Variants in ATF7 observed in about 807,000 individuals in gnomAD.
ATF7 encodes activating transcription factor 7.
ATF7 carries 10 observed loss-of-function variants against 50.4 expected under a neutral mutation model. That is an observed-to-expected ratio of 0.20 (90% CI 0.12 to 0.34). The LOEUF (loss-of-function observed/expected upper bound fraction) is 0.34. Among genes scored for constraint, ATF7 ranks in the 10% least tolerant of loss-of-function variants. The pLI is 1.00. For missense variants in ATF7, 465 were observed against 613.9 expected (o/e 0.76, Z 2.56); for synonymous variants, 201 against 226.4 (o/e 0.89, Z 1.01).
chr12:53,530,770 G>A (rs1051997881), intron 9 of ATF7, among the ~76,000 whole-genome samples: 6 of 151,794 alleles, frequency 4.0e-5, no homozygotes, highest in Non-Finnish European at 5.9e-5. Context: ...ACCATGCCCC[G>A]CTAATTTTTT....
chr12:53,600,834 T>C (rs1289039305), intron 2 of ATF7, 119 bp downstream of exon 2: 20 of 965,330 alleles, frequency 2.1e-5, no homozygotes, highest in Non-Finnish European at 3.0e-5. Context: ...GCAAATCCTC[T>C]GATCTGATTA....
rs376486763 is a variant in ATF7, at chr12:53,526,315, CCCT to C, written c.928-1557_928-1555del. On this transcript the variant is annotated intron_variant, in intron 9 of 11. Transcript: ENST00000420353. ...CTACCCCTGAGACAGCAAGACCAAG[CCCT>C]CCTCCTCCTCCTCCTCCTCCTCAAT... is the stretch of plus-strand genomic sequence containing the variant. 3.3e-3 allele frequency among the ~76,000 whole-genome samples: 501 copies of C among 149,902 alleles called. 1 individual carries two copies. The highest frequency in any genetic ancestry group is 4.7e-3 in the Non-Finnish European group (319 of 67,302).
intron 1 of ATF7, among the ~76,000 whole-genome samples, chr12:53,602,892 A>G (rs905330815): frequency 1.3e-5 from 2 of 152,244 alleles, no homozygotes; most frequent in African/African-American, 2.4e-5. Flanking sequence ...TGCAATGACC[A>G]GGACCATTAA....
chr12:53,577,247 A>G (rs1384580922), intron 2 of ATF7, among the ~76,000 whole-genome samples: 3 of 152,100 alleles, frequency 2.0e-5, no homozygotes, highest in African/African-American at 7.2e-5. Flanking sequence ...ATAGTGACAT[A>G]GTAAGACACT....
intron 1 of ATF7, among the ~76,000 whole-genome samples, chr12:53,623,554 C>A (rs1944487370): frequency 6.6e-6 from 1 of 152,156 alleles, no homozygotes; most frequent in Non-Finnish European, 1.5e-5. Context: ...CAATTATATA[C>A]CAGTATGCTA....
intron 2 of ATF7, among the ~76,000 whole-genome samples, chr12:53,593,018 C>CTGACTCT (rs1943010967): frequency 1.3e-5 from 2 of 152,100 alleles, no homozygotes; most frequent in South Asian, 4.1e-4. Flanking sequence ...AAAGGTTTAT[C>CTGACTCT]ATTTGGTTAT....
In ATF7 at chr12:53,514,491, G is replaced by A. The variant is rs956217373; in HGVS notation, c.*2646C>T. 9 of 152,208 alleles carry A rather than the reference G, an allele frequency of 5.9e-5. No individual in the cohort carries two copies. Among genetic ancestry groups the A allele is most frequent in the African/African-American group, 1.9e-4 (8 of 41,448 alleles). 9.4% of individuals were successfully genotyped at this position (152,208 alleles called of 1,614,324 possible). A position where few individuals can be genotyped will look rare whatever the true frequency, so the allele number is the denominator to read the frequency against. On this transcript the variant is annotated 3_prime_UTR_variant, in exon 12 of 12. Coordinates refer to ENST00000420353, the MANE Select transcript of ATF7 (RefSeq NM_006856.3). ...TGGTAGCAATAACAAGGTAAGTGAA[G>A]TTACCTTTGACTATCAGAGAAGTTT...
At chr12:53,559,491 C>T (rs1477046743) in intron 2 of ATF7, among the ~76,000 whole-genome samples, 2 of 151,894 alleles carry the variant, frequency 1.3e-5, no homozygotes, top group Non-Finnish European at 2.9e-5. Flanking sequence ...CCAGCCTGGC[C>T]AACACGGTGA....
chr12:53,581,392 T>C (rs1242653860), intron 2 of ATF7, among the ~76,000 whole-genome samples: 1 of 152,202 alleles, frequency 6.6e-6, no homozygotes, highest in Non-Finnish European at 1.5e-5. Context: ...CAACAGATTA[T>C]ACATTCTTCT....
Position 53,523,264 on chromosome 12 carries a change from T to C in ATF7, c.1234+12A>G. On this transcript the variant is annotated intron_variant, in intron 11 of 11. Transcript: ENST00000420353. ...TGACTGACTGACTTAGCTTAGGTTGTGTGCCACTCACCTAAATAGCCTTGA... is the reference window on the plus strand; with the variant it reads ...TGACTGACTGACTTAGCTTAGGTTGCGTGCCACTCACCTAAATAGCCTTGA... The C allele has an allele frequency of 6.4e-7, 1 of 1,561,058 alleles. No homozygotes were observed. The highest frequency in any genetic ancestry group is 8.8e-7 in the Non-Finnish European group (1 of 1,132,116).
chr12:53,576,419 T>C (rs1370028595), intron 2 of ATF7, among the ~76,000 whole-genome samples: 2 of 152,188 alleles, frequency 1.3e-5, no homozygotes, highest in Non-Finnish European at 2.9e-5. Context: ...TGTAACATTA[T>C]TAAGAGAATG....
At chr12:53,549,218 C>G (rs1255389169) in intron 3 of ATF7, among the ~76,000 whole-genome samples, 1 of 148,162 alleles carries the variant, frequency 6.7e-6, no homozygotes, top group Non-Finnish European at 1.5e-5. Flanking sequence ...ACCCGGGAAG[C>G]GCAGCTTGCA....
intron 1 of ATF7, among the ~76,000 whole-genome samples, chr12:53,622,747 G>A (rs1369968361): frequency 6.6e-6 from 1 of 152,140 alleles, no homozygotes; most frequent in Non-Finnish European, 1.5e-5. Flanking sequence ...CCAAGGTGGG[G>A]AGATGGCTTG....
At chr12:53,558,653 TAGA>T (rs1388861278) in intron 2 of ATF7, among the ~76,000 whole-genome samples, 2 of 152,110 alleles carry the variant, frequency 1.3e-5, no homozygotes, top group Non-Finnish European at 2.9e-5. Flanking sequence ...AAAGATAATA[TAGA>T]AGAAGCTAAT....
At chr12:53,559,476 C>G (rs1054473732) in intron 2 of ATF7, among the ~76,000 whole-genome samples, 56 of 151,916 alleles carry the variant, frequency 3.7e-4, no homozygotes, top group African/African-American at 1.3e-3. Context: ...GTCAGGAGAT[C>G]GAGACCAGCC....
At chr12:53,592,505 T>C (rs1195742560) in intron 2 of ATF7, among the ~76,000 whole-genome samples, 2 of 152,210 alleles carry the variant, frequency 1.3e-5, no homozygotes, top group African/African-American at 2.4e-5. Flanking sequence ...AAAACCATTC[T>C]ACACATTCTA....
intron 2 of ATF7, among the ~76,000 whole-genome samples, chr12:53,594,828 C>T (rs1355189603): frequency 6.7e-6 from 1 of 149,562 alleles, no homozygotes; most frequent in Non-Finnish European, 1.5e-5. Context: ...GTAGAGGTTG[C>T]AGTGAGCCGA....
intron 2 of ATF7, among the ~76,000 whole-genome samples, chr12:53,588,804 C>T (rs1483190767): frequency 6.6e-6 from 1 of 152,084 alleles, no homozygotes; most frequent in Admixed American, 6.6e-5. Flanking sequence ...GTCCTTGCTG[C>T]AAAATGATGG....
intron 6 of ATF7, among the ~76,000 whole-genome samples, chr12:53,533,620 C>T (rs1201337240): frequency 2.0e-5 from 3 of 152,168 alleles, no homozygotes; most frequent in Admixed American, 6.5e-5. Flanking sequence ...ACATGATGGC[C>T]AAATCTGAAT....
Sources: allele counts gnomAD v4.1 joint callset (sites outside exome capture counted in the v4.1 genomes callset), GRCh38; gene constraint gnomAD v4.1.1; transcripts MANE v1.5; gene names NCBI Gene and HGNC (gene_info 2026-07-23, HGNC 2026-07-21).